The following HDAC9 variants were observed in gnomAD, a reference collection of about 807,000 sequenced individuals.
HDAC9 encodes the protein MEF-2 interacting transcription repressor (MITR) protein.
HDAC9 carries 41 observed loss-of-function variants against 139.4 expected under a neutral mutation model. The observed-to-expected ratio is 0.29, with a 90% CI of 0.23 to 0.38. HDAC9 has a LOEUF of 0.38. Ranked by LOEUF, HDAC9 falls within the 10% of genes least tolerant of loss-of-function variation. HDAC9 has a pLI of 1.00. For synonymous variants in HDAC9, 517 were observed against 476.2 expected, an observed-to-expected ratio of 1.09 and a Z score of -1.12; for missense variants, 1,147 against 1,297.0, an observed-to-expected ratio of 0.88 and a Z score of 1.78.
chr7:18,984,829 G>A (rs1025903469), intron 25 of HDAC9, among the ~76,000 whole-genome samples: 1 of 152,080 alleles, frequency 6.6e-6, no homozygotes, highest in African/African-American at 2.4e-5. Flanking sequence ...GTTGAGTAAT[G>A]GTACTGTTAG....
intron 11 of HDAC9, among the ~76,000 whole-genome samples, chr7:18,661,312 A>T (rs530917222): frequency 2.0e-5 from 3 of 152,232 alleles, no homozygotes; most frequent in African/African-American, 7.2e-5. Context: ...ATTGGGTTAG[A>T]TGGGAATAAA....
chr7:18,359,701 T>C (rs1783624490), intron 1 of HDAC9, among the ~76,000 whole-genome samples: 1 of 152,076 alleles, frequency 6.6e-6, no homozygotes. Context: ...CTCTGCCTCA[T>C]GAGTTCAAGC....
intron 2 of HDAC9, among the ~76,000 whole-genome samples, chr7:18,504,514 A>T (rs1324025703): frequency 6.6e-6 from 1 of 152,202 alleles, no homozygotes; most frequent in Non-Finnish European, 1.5e-5. Flanking sequence ...CATATTGGCC[A>T]GGCTGGTCTC....
intron 21 of HDAC9, among the ~76,000 whole-genome samples, chr7:18,856,812 T>G (rs538419664): frequency 8.5e-5 from 13 of 152,206 alleles, no homozygotes; most frequent in Non-Finnish European, 1.6e-4. Flanking sequence ...TTTGGGTCTC[T>G]GTGATTTTCC....
chr7:18,392,306 C>G (rs1279658192), intron 1 of HDAC9, among the ~76,000 whole-genome samples: 1 of 137,102 alleles, frequency 7.3e-6, no homozygotes, highest in African/African-American at 3.2e-5. Context: ...CTCTCTCTCT[C>G]TCTCTCTCTC....
intron 2 of HDAC9, among the ~76,000 whole-genome samples, chr7:18,201,353 A>G (rs1212329502): frequency 1.3e-5 from 2 of 152,224 alleles, no homozygotes; most frequent in African/African-American, 4.8e-5. Context: ...TCACTAAGAA[A>G]TAAATATAGG....
intron 1 of HDAC9, among the ~76,000 whole-genome samples, chr7:18,412,163 T>C (rs1788628937): frequency 6.6e-6 from 1 of 152,096 alleles, no homozygotes; most frequent in African/African-American, 2.4e-5. Context: ...GATGGGCTTA[T>C]AGGGTTATAA....
intron 12 of HDAC9, among the ~76,000 whole-genome samples, chr7:18,705,873 AT>A (rs761067172): frequency 0.091 from 13,060 of 143,632 alleles, 3,084 homozygotes; most frequent in African/African-American, 0.33. Context: ...ATAAAATAAA[AT>A]AAAATAAAAG....
chr7:18,812,191 CA>C (rs1488545290), intron 17 of HDAC9, among the ~76,000 whole-genome samples: 1 of 151,796 alleles, frequency 6.6e-6, no homozygotes, highest in Non-Finnish European at 1.5e-5. Flanking sequence ...CCCATGGATA[CA>C]AGGGTCAACA....
intron 24 of HDAC9, among the ~76,000 whole-genome samples, chr7:18,961,241 TA>T (rs1408952686): frequency 1.3e-5 from 2 of 152,182 alleles, no homozygotes; most frequent in East Asian, 3.8e-4. Context: ...AGAAGCATGA[TA>T]AAGCCTGCAA....
At chr7:18,175,768 ACC>A (rs57980430) in intron 2 of HDAC9, among the ~76,000 whole-genome samples, 25,516 of 112,812 alleles carry the variant, frequency 0.23, 2,771 homozygotes, top group South Asian at 0.4. Flanking sequence ...ATTATTTTTA[ACC>A]CCCCCCCCCC....
chr7:18,440,221 G>A (rs1448366173), intron 1 of HDAC9, among the ~76,000 whole-genome samples: 4 of 108,672 alleles, frequency 3.7e-5, no homozygotes, highest in Admixed American at 1.1e-4. Context: ...TTTCACTCTT[G>A]TTGCCCAGGC....
intron 1 of HDAC9, among the ~76,000 whole-genome samples, chr7:18,444,840 A>G (rs1004020336): frequency 6.6e-6 from 1 of 152,220 alleles, no homozygotes; most frequent in Non-Finnish European, 1.5e-5. Context: ...GACCATTACC[A>G]TCAAGTACCA....
intron 12 of HDAC9, chr7:18,667,854 A>G: frequency 1.0e-6 from 1 of 983,758 alleles, no homozygotes; most frequent in Non-Finnish European, 1.2e-6. Flanking sequence ...TGATATGTTT[A>G]CCTTGTTTTA....
At chr7:18,696,505 G>A (rs1411272534) in intron 12 of HDAC9, among the ~76,000 whole-genome samples, 5 of 146,042 alleles carry the variant, frequency 3.4e-5, no homozygotes, top group African/African-American at 5.1e-5. Context: ...GTCTTGCTCT[G>A]TCTCCAGGCT....
At chr7:18,968,563 G>A (rs1188416918) in intron 24 of HDAC9, among the ~76,000 whole-genome samples, 1 of 152,052 alleles carries the variant, frequency 6.6e-6, no homozygotes, top group Non-Finnish European at 1.5e-5. Context: ...CAGATTCCAG[G>A]GTAACTGACT....
chr7:18,306,229 G>C (rs901319676), intron 1 of HDAC9, among the ~76,000 whole-genome samples: 1 of 152,174 alleles, frequency 6.6e-6, no homozygotes, highest in Non-Finnish European at 1.5e-5. Flanking sequence ...CCTGAACATC[G>C]TTATTAGTTG....
At chr7:18,747,836 G>A (rs1788115607) in intron 13 of HDAC9, among the ~76,000 whole-genome samples, 1 of 152,164 alleles carries the variant, frequency 6.6e-6, no homozygotes, top group Admixed American at 6.5e-5. Flanking sequence ...GCACACTCAA[G>A]GAAAAATATT....
intron 6 of HDAC9, among the ~76,000 whole-genome samples, chr7:18,620,272 TAATTA>T (rs1236573412): frequency 1.3e-5 from 2 of 152,152 alleles, no homozygotes; most frequent in African/African-American, 2.4e-5. Context: ...ACAATAGATC[TAATTA>T]AATAGTAGGT....
Sources: gnomAD v4.1 joint callset for allele counts (sites outside exome capture counted in the v4.1 genomes callset) on GRCh38, gnomAD v4.1.1 for gene constraint, MANE v1.5 for transcripts, NCBI Gene and HGNC (gene_info 2026-07-23, HGNC 2026-07-21) for gene names.